Variants in ERBB4 observed in about 807,000 individuals in gnomAD.
ERBB4 encodes erb-b2 receptor tyrosine kinase 4, also known as receptor tyrosine-protein kinase erbB-4.
A neutral mutation model predicts 158.0 loss-of-function variants in ERBB4; 42 were observed. The observed-to-expected ratio is 0.27, with a 90% CI of 0.21 to 0.34. The LOEUF (loss-of-function observed/expected upper bound fraction) is 0.34. Among genes scored for constraint, ERBB4 ranks in the 10% least tolerant of loss-of-function variants. ERBB4 has a pLI of 1.00. For missense variants in ERBB4, 1,333 were observed against 1,624.1 expected, an observed-to-expected ratio of 0.82 and a Z score of 3.08; for synonymous variants, 583 against 558.7, an observed-to-expected ratio of 1.04 and a Z score of -0.61.
chr2:211,749,193 GT>G (rs1303195303), intron 5 of ERBB4, among the ~76,000 whole-genome samples: 2 of 152,088 alleles, frequency 1.3e-5, no homozygotes, highest in African/African-American at 4.8e-5. Context: ...ATTGCTCTCG[GT>G]AGAACTAATT....
Position 212,418,857 on chromosome 2 carries a change from A to C in ERBB4, c.82+119592T>G, listed in dbSNP as rs111570092. Among the ~76,000 whole-genome samples the C allele has an allele frequency of 1.8e-3, 281 of 152,000 alleles. 2 individuals carry two copies. Among genetic ancestry groups the C allele is most frequent in the Middle Eastern group, 6.8e-3 (2 of 294 alleles). ...GTATCTGGAAAATAGGTGTTTCTGA[A>C]GTGTTTTAACCATTCATTAGATCCC... On this transcript the variant is annotated intron_variant, in intron 1 of 27. Transcript: ENST00000342788.
At chr2:211,852,319 T>C (rs2077738903) in intron 3 of ERBB4, among the ~76,000 whole-genome samples, 1 of 151,954 alleles carries the variant, frequency 6.6e-6, no homozygotes, top group Non-Finnish European at 1.5e-5. Flanking sequence ...TACATTTTAA[T>C]ATAGAAAAAG....
intron 3 of ERBB4, among the ~76,000 whole-genome samples, chr2:211,883,530 C>A (rs1218468147): frequency 6.6e-6 from 1 of 152,118 alleles, no homozygotes; most frequent in South Asian, 2.1e-4. Context: ...GTAATCCCAG[C>A]ACTTTGGGAG....
intron 3 of ERBB4, among the ~76,000 whole-genome samples, chr2:211,805,081 A>G (rs2076586260): frequency 6.6e-6 from 1 of 152,062 alleles, no homozygotes; most frequent in South Asian, 2.1e-4. Flanking sequence ...CACCACACTC[A>G]GCTAAATTTG....
At chr2:211,845,389 G>A (rs767070779) in intron 3 of ERBB4, among the ~76,000 whole-genome samples, 12 of 152,046 alleles carry the variant, frequency 7.9e-5, no homozygotes, top group African/African-American at 1.4e-4. Flanking sequence ...CTCATGAGAC[G>A]ATATTAACAC....
intron 1 of ERBB4, among the ~76,000 whole-genome samples, chr2:212,535,427 T>C (rs949757560): frequency 1.3e-5 from 2 of 152,166 alleles, no homozygotes; most frequent in Non-Finnish European, 2.9e-5. Flanking sequence ...TTTGGAGATA[T>C]AATGATGTAT....
In ERBB4 at chr2:211,624,038, C is replaced by T. The variant is rs2125858663; in HGVS notation, c.2086G>A (p.Glu696Lys). 2 of 1,614,040 alleles carry T rather than the reference C, an allele frequency of 1.2e-6. No homozygotes were observed. The highest frequency in any genetic ancestry group is 1.7e-6 in the Non-Finnish European group (2 of 1,179,972). Residue 696 changes from glutamate (E) to lysine (K), a missense_variant, in exon 18 of 28, where the codon GAA becomes AAA. This residue lies in a region of ERBB4 where 314 missense variants were observed against 437.6 expected (regional missense o/e 0.72). Transcript: ENST00000342788. ...LRRFLETELV[E>K]PLTPSGTAPN... ...GCTGTGCCACTGGGAGTTAATGGTT[C>T]CACCAACTGCAAAGCGGAAAGAAGA...
intron 1 of ERBB4, among the ~76,000 whole-genome samples, chr2:212,434,164 A>T (rs1466507117): frequency 1.3e-5 from 2 of 151,984 alleles, no homozygotes; most frequent in Non-Finnish European, 2.9e-5. Flanking sequence ...ATTCACATCC[A>T]TGTAATCTAA....
intron 1 of ERBB4, among the ~76,000 whole-genome samples, chr2:212,196,807 T>C (rs1311522014): frequency 1.3e-5 from 2 of 152,126 alleles, no homozygotes; most frequent in South Asian, 4.1e-4. Context: ...CTAAACTAAA[T>C]GTTGAATAAG....
intron 12 of ERBB4, among the ~76,000 whole-genome samples, chr2:211,689,752 C>A (rs1308139214): frequency 1.6e-5 from 1 of 63,442 alleles, no homozygotes; most frequent in Non-Finnish European, 4.9e-5. Context: ...TATCAAGTAT[C>A]TCATTTTCTG....
chr2:211,924,233 C>T (rs754294743), intron 3 of ERBB4, among the ~76,000 whole-genome samples: 5 of 152,174 alleles, frequency 3.3e-5, no homozygotes, highest in Non-Finnish European at 7.3e-5. Flanking sequence ...TAAAGGATGA[C>T]ACTTTTGCAA....
At chr2:211,889,923 G>A (rs1464102554) in intron 3 of ERBB4, among the ~76,000 whole-genome samples, 3 of 134,362 alleles carry the variant, frequency 2.2e-5, no homozygotes, top group Non-Finnish European at 3.2e-5. Context: ...CCAAATCTAC[G>A]TCTGATTGGT....
chr2:211,736,993 G>A (rs1328603047), intron 5 of ERBB4, among the ~76,000 whole-genome samples: 3 of 152,050 alleles, frequency 2.0e-5, no homozygotes, highest in Admixed American at 6.6e-5. Flanking sequence ...AAGTCATGTC[G>A]CGATAAAGAG....
intron 3 of ERBB4, among the ~76,000 whole-genome samples, chr2:211,818,343 G>A (rs2076922360): frequency 6.6e-6 from 1 of 152,096 alleles, no homozygotes; most frequent in South Asian, 2.1e-4. Context: ...TCCACCATCT[G>A]TCTAATGAGA....
At chr2:211,877,514 C>T (rs572983036) in intron 3 of ERBB4, among the ~76,000 whole-genome samples, 1 of 151,738 alleles carries the variant, frequency 6.6e-6, no homozygotes, top group East Asian at 1.9e-4. Context: ...AGCATACTTT[C>T]GGGGTTTTTC....
At position 212,172,302 on chromosome 2, in the gene ERBB4, T is replaced by C. The variant is rs529702928; in HGVS notation, c.83-47399A>G. On this transcript the variant is annotated intron_variant, in intron 1 of 27. Coordinates refer to ENST00000342788, the MANE Select transcript of ERBB4 (RefSeq NM_005235.3). ...GGTTGTGGAGAAAAAGGAATGTTTT[T>C]TTTACTGTTGGTAGAAGTGTAAATT... is the stretch of plus-strand genomic sequence containing the variant. Among the ~76,000 whole-genome samples, 6 of 152,268 alleles carry C rather than the reference T, an allele frequency of 3.9e-5. No individual in the cohort carries two copies. In the South Asian group the frequency reaches 1.0e-3, roughly 26 times the overall value.
At chr2:212,069,681 C>CA (rs1225372239) in intron 2 of ERBB4, among the ~76,000 whole-genome samples, 4 of 151,790 alleles carry the variant, frequency 2.6e-5, no homozygotes, top group East Asian at 3.9e-4. Flanking sequence ...ACGAAATACA[C>CA]AAAAAAACTA....
chr2:212,133,423 G>GT (rs376496983), intron 1 of ERBB4, among the ~76,000 whole-genome samples: 12,658 of 131,932 alleles, frequency 0.096, 1,082 homozygotes, highest in African/African-American at 0.24. Flanking sequence ...TTTTGTTTTT[G>GT]TTTTTTTTTT....
In ERBB4 at chr2:211,376,760, G is replaced by A; in HGVS notation, c.*6855C>T. ...TGTGCTATGAATTGTCTTCCACATTGATCTCATTTTCATTTGATCTTCTTG... is the reference window on the plus strand; with the variant it reads ...TGTGCTATGAATTGTCTTCCACATTAATCTCATTTTCATTTGATCTTCTTG... On this transcript the variant is annotated 3_prime_UTR_variant, in exon 28 of 28. Coordinates refer to ENST00000342788, the MANE Select transcript of ERBB4 (RefSeq NM_005235.3). 2 of 233,068 alleles carry A rather than the reference G, an allele frequency of 8.6e-6. No individual in the cohort carries two copies. Among genetic ancestry groups the A allele is most frequent in the African/African-American group, 4.4e-5 (2 of 45,412 alleles). The allele number at this position is 233,068 out of a possible 1,614,324, so 14.4% of individuals were successfully genotyped here.
Sources: allele counts gnomAD v4.1 joint callset (sites outside exome capture counted in the v4.1 genomes callset), GRCh38; gene constraint gnomAD v4.1.1; regional missense constraint gnomAD v4.1.1; transcripts MANE v1.5; gene names NCBI Gene and HGNC (gene_info 2026-07-23, HGNC 2026-07-21).